The following SCEL variants were observed in gnomAD, a reference collection of about 807,000 sequenced individuals.
SCEL encodes sciellin.
SCEL carries 113 observed loss-of-function variants against 117.6 expected under a neutral mutation model. The observed-to-expected ratio is 0.96, with a 90% CI of 0.83 to 1.12. The LOEUF (loss-of-function observed/expected upper bound fraction) is 1.12. Ranked by LOEUF, SCEL falls within the 50% of genes most tolerant of loss-of-function variation. The pLI, the probability that SCEL is intolerant of heterozygous loss-of-function variation, is 0.00. For missense variants in SCEL, 785 were observed against 810.8 expected, an observed-to-expected ratio of 0.97 and a Z score of 0.39; for synonymous variants, 270 against 256.2, an observed-to-expected ratio of 1.05 and a Z score of -0.51.
chr13:77,610,999 A>G (rs575899405), intron 22 of SCEL, among the ~76,000 whole-genome samples: 76 of 152,358 alleles, frequency 5.0e-4, no homozygotes, highest in Middle Eastern at 3.4e-3. Flanking sequence ...GATGTAAAAG[A>G]TACCAAGATA....
chr13:77,633,610 T>G (rs997018590), intron 28 of SCEL, among the ~76,000 whole-genome samples: 1 of 152,034 alleles, frequency 6.6e-6, no homozygotes, highest in African/African-American at 2.4e-5. Flanking sequence ...CCCAAGTCAA[T>G]GGGTTCACCA....
chr13:77,553,847 G>A (rs648716), intron 1 of SCEL, among the ~76,000 whole-genome samples: 150,787 of 152,150 alleles, frequency 0.99, 74,728 homozygotes, highest in East Asian at 1. Context: ...ACCTCATGAT[G>A]CAAATAAGAG....
In SCEL at chr13:77,613,886, GT is replaced by G. The variant is rs752715323; in HGVS notation, c.1389-3del. 3 of 1,612,460 alleles carry G rather than the reference GT, an allele frequency of 1.9e-6. No homozygotes were observed. Among genetic ancestry groups the G allele is most frequent in the East Asian group, 2.2e-5 (1 of 44,842 alleles). On this transcript the variant is annotated splice_region_variant and splice_polypyrimidine_tract_variant and intron_variant, in intron 23 of 32. Coordinates refer to ENST00000349847, the MANE Select transcript of SCEL (RefSeq NM_144777.3). ...AAATTTGCCGATTTCCTCTAATTTT[GT>G]TTTAGCAGTGAACAAGGTCTTGATG...
intron 22 of SCEL, among the ~76,000 whole-genome samples, chr13:77,612,309 C>G (rs1172789127): frequency 6.6e-6 from 1 of 152,058 alleles, no homozygotes; most frequent in Non-Finnish European, 1.5e-5. Flanking sequence ...ATTCTATAAA[C>G]TGAGGCCTTG....
intron 1 of SCEL, among the ~76,000 whole-genome samples, chr13:77,551,286 C>A (rs2084305586): frequency 6.6e-6 from 1 of 152,162 alleles, no homozygotes; most frequent in African/African-American, 2.4e-5. Flanking sequence ...ACCAGTGGAT[C>A]TTTATTCTAT....
At chr13:77,611,735 C>T (rs7326333) in intron 22 of SCEL, among the ~76,000 whole-genome samples, 141,869 of 152,224 alleles carry the variant, frequency 0.93, 66,161 homozygotes, top group South Asian at 0.96. Flanking sequence ...ACAAATTGCT[C>T]AACCTCCTTT....
At chr13:77,536,788 T>C (rs2083440198) in intron 1 of SCEL, among the ~76,000 whole-genome samples, 1 of 152,236 alleles carries the variant, frequency 6.6e-6, no homozygotes, top group South Asian at 2.1e-4. Flanking sequence ...GCTCTATCTG[T>C]AGTACTTGAG....
chr13:77,572,073 T>C (rs1395250639), intron 8 of SCEL, 51 bp from the exon 9 acceptor site: 1 of 1,445,402 alleles, frequency 6.9e-7, no homozygotes, highest in Non-Finnish European at 9.7e-7. Context: ...GACATGTGGG[T>C]GGGATCAGCC....
intron 11 of SCEL, among the ~76,000 whole-genome samples, chr13:77,592,278 G>A (rs530788954): frequency 6.6e-6 from 1 of 152,250 alleles, no homozygotes; most frequent in African/African-American, 2.4e-5. Flanking sequence ...GGAGCTTACA[G>A]CACCACTCTT....
chr13:77,597,535 C>T lies in SCEL; in HGVS notation c.753-10C>T. On this transcript the variant is annotated splice_polypyrimidine_tract_variant and intron_variant, in intron 12 of 32. Coordinates refer to ENST00000349847, the MANE Select transcript of SCEL (RefSeq NM_144777.3). The stretch of plus-strand genomic sequence containing the variant: ...TTACTAATGTTAAACATTTTTTTCT[C>T]TTCCCAAAGTGAAGAATTGGATAAT... 2 of 1,477,554 alleles carry T rather than the reference C, an allele frequency of 1.4e-6. No individual in the cohort carries two copies. Among genetic ancestry groups the T allele is most frequent in the Non-Finnish European group, 1.8e-6 (2 of 1,085,212 alleles). The allele number at this position is 1,477,554 out of a possible 1,614,324, so 91.5% of individuals were successfully genotyped here. A position where few individuals can be genotyped will look rare whatever the true frequency, so the allele number is the denominator to read the frequency against.
intron 4 of SCEL, among the ~76,000 whole-genome samples, chr13:77,560,152 C>T (rs968012236): frequency 9.9e-5 from 15 of 151,922 alleles, no homozygotes; most frequent in African/African-American, 2.4e-4. Flanking sequence ...CATATCAGGC[C>T]GGGTGCCATG....
intron 24 of SCEL, among the ~76,000 whole-genome samples, chr13:77,616,334 AT>A (rs1341125890): frequency 2.0e-5 from 3 of 151,884 alleles, no homozygotes; most frequent in Admixed American, 6.6e-5. Context: ...ACAAAGTTTT[AT>A]TCTTTGTATT....
chr13:77,603,765 T>C (rs2087901675), intron 18 of SCEL, among the ~76,000 whole-genome samples: 1 of 152,218 alleles, frequency 6.6e-6, no homozygotes, highest in African/African-American at 2.4e-5. Flanking sequence ...GAGCTGTTTT[T>C]TCTTGCCCTT....
At position 77,574,144 on chromosome 13, in the gene SCEL, A is replaced by G. The variant is rs17067965; in HGVS notation, c.545+1955A>G. Among the ~76,000 whole-genome samples the G allele has an allele frequency of 0.012, 1,854 of 152,350 alleles. 104 individuals carry two copies. The East Asian group carries it at 0.13, about 11-fold the overall frequency. ...TTGTTCATTATTCCAATATCATTATAAAAAGCAACTGGTTATATAACAGTG... is the reference window on the plus strand; with the variant it reads ...TTGTTCATTATTCCAATATCATTATGAAAAGCAACTGGTTATATAACAGTG... On this transcript the variant is annotated intron_variant, in intron 9 of 32. Coordinates refer to ENST00000349847, the MANE Select transcript of SCEL (RefSeq NM_144777.3).
At chr13:77,607,996 G>A (rs778547070) in intron 19 of SCEL, 60 bp from the exon 20 acceptor site, 24 of 1,296,302 alleles carry the variant, frequency 1.9e-5, no homozygotes, top group Non-Finnish European at 2.6e-5. Context: ...TTATCTTCTT[G>A]TTGTCAGTCT....
chr13:77,633,639 C>T (rs895592909), intron 28 of SCEL, among the ~76,000 whole-genome samples: 3 of 152,044 alleles, frequency 2.0e-5, no homozygotes, highest in Non-Finnish European at 2.9e-5. Context: ...CACAACCAGT[C>T]CACAAGAATT....
chr13:77,577,760 C>T (rs1403986900), intron 9 of SCEL, among the ~76,000 whole-genome samples: 1 of 152,104 alleles, frequency 6.6e-6, no homozygotes, highest in African/African-American at 2.4e-5. Context: ...ATTGCAGAAG[C>T]CCACACCAAA....
chr13:77,597,586 A>G lies in SCEL; in HGVS notation c.794A>G (p.Asn265Ser). Reference protein sequence around the residue: ...DNLIKMNKSLNRNQGLDSLFR... With the variant: ...DNLIKMNKSLSRNQGLDSLFR... ...CTCATCAAAATGAACAAAAGCTTGA[A>G]TAGGTAAGATTTTTAAATGTTTATC... The change falls in exon 13 of 33, where the codon AAT (asparagine) becomes AGT (serine). Residue 265 changes from asparagine (N) to serine (S), a missense_variant. By Grantham distance (46) the Asn-to-Ser change is conservative. Coordinates refer to ENST00000349847, the MANE Select transcript of SCEL (RefSeq NM_144777.3). The G allele has an allele frequency of 6.9e-7, 1 of 1,454,496 alleles. No homozygotes were observed. Among genetic ancestry groups the G allele is most frequent in the Non-Finnish European group, 9.4e-7 (1 of 1,066,564 alleles). 90.1% of individuals were successfully genotyped at this position (1,454,496 alleles called of 1,614,324 possible).
In SCEL at chr13:77,611,661, T is replaced by C. The variant is rs2088647932; in HGVS notation, c.1338-1230T>C. 2.6e-5 allele frequency among the ~76,000 whole-genome samples: 4 copies of C among 152,358 alleles called. 1 individual carries two copies. The South Asian group carries it at 8.3e-4, about 32-fold the overall frequency. On this transcript the variant is annotated intron_variant, in intron 22 of 32. Coordinates refer to ENST00000349847, the MANE Select transcript of SCEL (RefSeq NM_144777.3). Reference sequence around the variant, plus strand: ...TGTATTGCATTTGGTTGTGTGTTTATTTCTTTTACTTGGTAGTGAGATTTT... The same window carrying C: ...TGTATTGCATTTGGTTGTGTGTTTACTTCTTTTACTTGGTAGTGAGATTTT...
Sources: gnomAD v4.1 joint callset for allele counts (sites outside exome capture counted in the v4.1 genomes callset) on GRCh38, gnomAD v4.1.1 for gene constraint, MANE v1.5 for transcripts, NCBI Gene and HGNC (gene_info 2026-07-23, HGNC 2026-07-21) for gene names.